Variants in KHDRBS2 observed in about 807,000 individuals in gnomAD.
KHDRBS2 encodes KH RNA binding domain containing, signal transduction associated 2.
In KHDRBS2, 26 loss-of-function variants were observed where a neutral mutation model predicts 44.3. The ratio of observed to expected loss-of-function variants is 0.59; its 90% CI spans 0.43 to 0.81. The LOEUF (loss-of-function observed/expected upper bound fraction) is 0.81, where lower values mean the gene tolerates loss of function less well. Among genes scored for constraint, KHDRBS2 ranks in the 40% least tolerant of loss-of-function variants. The pLI, the probability that KHDRBS2 is intolerant of heterozygous loss-of-function variation, is 0.00. For missense variants in KHDRBS2, 476 were observed against 433.1 expected, an observed-to-expected ratio of 1.10 and a Z score of -0.88; for synonymous variants, 194 against 151.1, an observed-to-expected ratio of 1.28 and a Z score of -2.08.
the KHDRBS2 span, among the ~76,000 whole-genome samples, chr6:61,584,383 T>C: frequency 6.6e-6 from 1 of 151,868 alleles, no homozygotes; most frequent in Non-Finnish European, 1.5e-5. Flanking sequence ...GAGGAAGTTT[T>C]ATTTCTTGTT....
At chr6:61,567,673 T>A in the KHDRBS2 span, among the ~76,000 whole-genome samples, 3 of 149,484 alleles carry the variant, frequency 2.0e-5, no homozygotes, top group Non-Finnish European at 4.4e-5. Flanking sequence ...AAAAGGATTT[T>A]TTTCTTTCTC....
At chr6:61,633,811 C>T in the KHDRBS2 span, among the ~76,000 whole-genome samples, 1 of 96,156 alleles carries the variant, frequency 1.0e-5, no homozygotes, top group East Asian at 2.8e-4. Flanking sequence ...CTTTATATTA[C>T]TCAAGTGTTG....
At chr6:61,597,929 G>A in the KHDRBS2 span, among the ~76,000 whole-genome samples, 5 of 141,146 alleles carry the variant, frequency 3.5e-5, 1 homozygote, top group Admixed American at 1.4e-4. Flanking sequence ...TTTTTTTAAT[G>A]GCCTAATACC....
At chr6:62,284,567 G>A (rs1842217394) in intron 1 of KHDRBS2, among the ~76,000 whole-genome samples, 1 of 151,558 alleles carries the variant, frequency 6.6e-6, no homozygotes, top group African/African-American at 2.4e-5. Context: ...TTTTCATTCA[G>A]TAACCAAGAA....
At position 61,732,772 on chromosome 6, in the gene KHDRBS2, A is replaced by C. The variant is rs746314660; in HGVS notation, c.811-8T>G. Reference sequence around the variant, plus strand: ...GTAGCCATCATCATAACCCTGAGACAAAAAAATGGTAGAAACACCTGTTAG... The same window carrying C: ...GTAGCCATCATCATAACCCTGAGACCAAAAAATGGTAGAAACACCTGTTAG... On this transcript the variant is annotated splice_region_variant and splice_polypyrimidine_tract_variant and intron_variant, in intron 6 of 8. Transcript: ENST00000281156. 2.0e-6 allele frequency: 3 copies of C among 1,505,642 alleles called. No individual in the cohort carries two copies. Among genetic ancestry groups the C allele is most frequent in the South Asian group, 1.1e-5 (1 of 88,364 alleles). The allele number at this position is 1,505,642 out of a possible 1,614,324, so 93.3% of individuals were successfully genotyped here.
At chr6:61,607,983 C>T in the KHDRBS2 span, among the ~76,000 whole-genome samples, 580 of 152,202 alleles carry the variant, frequency 3.8e-3, 4 homozygotes, top group African/African-American at 0.013. Context: ...ACACCATGCC[C>T]GGCCTAGAAA....
chr6:62,071,847 C>G (rs1374025309), intron 2 of KHDRBS2, among the ~76,000 whole-genome samples: 2 of 152,012 alleles, frequency 1.3e-5, no homozygotes, highest in Non-Finnish European at 1.5e-5. Flanking sequence ...TCCATATAAA[C>G]TTTAAAGTAG....
intron 2 of KHDRBS2, among the ~76,000 whole-genome samples, chr6:62,051,605 G>C (rs1438691334): frequency 6.6e-6 from 1 of 151,896 alleles, no homozygotes; most frequent in African/African-American, 2.4e-5. Context: ...CATACCAAAA[G>C]CTCAAGCCAC....
rs1427583382 is a variant in KHDRBS2, at chr6:61,823,691, G to A, written c.810+70944C>T. Among the ~76,000 whole-genome samples, 9 of 152,088 alleles carry A rather than the reference G, an allele frequency of 5.9e-5. No homozygotes were observed. The South Asian group carries it at 1.0e-3, about 18-fold the overall frequency. On this transcript the variant is annotated intron_variant, in intron 6 of 8. Coordinates refer to ENST00000281156, the MANE Select transcript of KHDRBS2 (RefSeq NM_152688.4). Reference sequence around the variant, plus strand: ...TTCCTGAATGTTGGGATGTATTGACGAATTGTTGCTTCCTTGTAACATACA... The same window carrying A: ...TTCCTGAATGTTGGGATGTATTGACAAATTGTTGCTTCCTTGTAACATACA...
At chr6:61,581,208 TGCCATGCAAATGTGCATG>T in the KHDRBS2 span, among the ~76,000 whole-genome samples, 27 of 151,310 alleles carry the variant, frequency 1.8e-4, no homozygotes, top group African/African-American at 6.6e-4. Flanking sequence ...AAAAGTGCAT[TGCCATGCAAATGTGCATG>T]GCCATGCACA....
intron 3 of KHDRBS2, among the ~76,000 whole-genome samples, chr6:61,994,738 C>G (rs1011249637): frequency 6.6e-6 from 1 of 152,002 alleles, no homozygotes; most frequent in African/African-American, 2.4e-5. Flanking sequence ...AGTAAGGATG[C>G]AAAATATTTA....
At chr6:61,604,173 G>A in the KHDRBS2 span, among the ~76,000 whole-genome samples, 1 of 152,124 alleles carries the variant, frequency 6.6e-6, no homozygotes, top group African/African-American at 2.4e-5. Context: ...GGGGCTGAAA[G>A]AAATTACCTC....
At chr6:62,051,933 A>G (rs1281044627) in intron 2 of KHDRBS2, among the ~76,000 whole-genome samples, 1 of 152,042 alleles carries the variant, frequency 6.6e-6, no homozygotes, top group Non-Finnish European at 1.5e-5. Context: ...ACGAGATACC[A>G]CCTCAACCTC....
intron 3 of KHDRBS2, among the ~76,000 whole-genome samples, chr6:61,984,567 C>T (rs1030875009): frequency 6.6e-6 from 1 of 152,064 alleles, no homozygotes; most frequent in Non-Finnish European, 1.5e-5. Flanking sequence ...ATCAGGGAGG[C>T]TCTGGACTTA....
chr6:62,166,073 CT>C (rs1346515722), intron 2 of KHDRBS2, among the ~76,000 whole-genome samples: 1 of 151,878 alleles, frequency 6.6e-6, no homozygotes, highest in Non-Finnish European at 1.5e-5. Context: ...TTCTTTTTGA[CT>C]GGTTTATTTT....
chr6:61,934,862 GCA>G (rs1810747571), intron 4 of KHDRBS2, among the ~76,000 whole-genome samples: 6 of 152,250 alleles, frequency 3.9e-5, no homozygotes, highest in Admixed American at 3.9e-4. Context: ...ATTAGGAAAA[GCA>G]CAGAAGACTG....
chr6:61,728,458 GA>G (rs1392235537), intron 7 of KHDRBS2, among the ~76,000 whole-genome samples: 8 of 149,248 alleles, frequency 5.4e-5, no homozygotes, highest in Admixed American at 2.7e-4. Context: ...AAAAGTTGAA[GA>G]AAAAAAAAGA....
intron 5 of KHDRBS2, among the ~76,000 whole-genome samples, chr6:61,896,294 A>C (rs1003395693): frequency 2.0e-5 from 3 of 152,172 alleles, no homozygotes; most frequent in Non-Finnish European, 4.4e-5. Context: ...TGGGCAATAA[A>C]TTATATGGTC....
rs947965396 is a variant in KHDRBS2, at chr6:62,011,582, A to G, written c.337-33370T>C. On this transcript the variant is annotated intron_variant, in intron 3 of 8. Transcript: ENST00000281156. ...TAACCTCAAGATTTATGTCAAATGC[A>G]TTAGACGGTATCTACTTTCACACCG... is the stretch of plus-strand genomic sequence containing the variant. 3.3e-5 allele frequency among the ~76,000 whole-genome samples: 5 copies of G among 152,194 alleles called. 1 individual carries two copies. The highest frequency in any genetic ancestry group is 3.3e-4 in the Admixed American group (5 of 15,272).
Sources: gnomAD v4.1 joint callset for allele counts (sites outside exome capture counted in the v4.1 genomes callset) on GRCh38, gnomAD v4.1.1 for gene constraint, MANE v1.5 for transcripts, NCBI Gene and HGNC (gene_info 2026-07-23, HGNC 2026-07-21) for gene names.